Variants in USP9Y observed in about 807,000 individuals in gnomAD.
USP9Y encodes the protein ubiquitin specific peptidase 9 Y-linked, also known as ubiquitin carboxyl-terminal hydrolase 9Y.
In USP9Y, 41 loss-of-function variants were observed where a neutral mutation model predicts 53.1. The observed-to-expected ratio is 0.77, with a 90% confidence interval of 0.60 to 1.00. USP9Y has a LOEUF of 1.00. USP9Y is among the 50% of genes least tolerant of loss of function. USP9Y has a pLI of 0.00. For synonymous variants in USP9Y, 220 were observed against 173.7 expected, an observed-to-expected ratio of 1.27 and a Z score of -2.09; for missense variants, 567 against 535.8, an observed-to-expected ratio of 1.06 and a Z score of -0.58.
chrY:12,706,318 A>G (rs909627022), intron 1 of USP9Y, among the ~76,000 whole-genome samples: 5 of 33,766 alleles, frequency 1.5e-4, no homozygotes, highest in Admixed American at 1.4e-3. Context: ...ATACAAGGCA[A>G]TCGATGAGGA....
In USP9Y at chrY:12,857,619, T is replaced by C; in HGVS notation, c.7488T>C (p.Asp2496=). 1 of 384,927 alleles carries C rather than the reference T, an allele frequency of 2.6e-6. No homozygotes were observed. Among genetic ancestry groups the C allele is most frequent in the Non-Finnish European group, 3.6e-6 (1 of 276,607 alleles). ...PDEHEPSPSE[D]APLYPHSPAS... ...AGCATGAGCCCTCTCCATCAGAAGA[T>C]GCCCCATTATATCCTCATTCACCTG... Residue 2496 remains aspartate, a synonymous_variant, in exon 45 of 46, where the codon GAT becomes GAC. Coordinates refer to ENST00000338981, the MANE Select transcript of USP9Y (RefSeq NM_004654.4).
intron 35 of USP9Y, among the ~76,000 whole-genome samples, chrY:12,838,717 T>C: frequency 1.2e-4 from 4 of 33,245 alleles, no homozygotes; most frequent in Non-Finnish European, 2.2e-4. Flanking sequence ...CCTGACCTCA[T>C]GATCTGTCTG....
intron 27 of USP9Y, among the ~76,000 whole-genome samples, chrY:12,806,383 C>A (rs771830029): frequency 6.0e-5 from 2 of 33,482 alleles, no homozygotes; most frequent in Admixed American, 5.5e-4. Flanking sequence ...ACACAGTGTC[C>A]ATTAAAATGG....
In USP9Y at chrY:12,758,501, A is replaced by G; in HGVS notation, c.1630-5A>G. On this transcript the variant is annotated splice_region_variant and splice_polypyrimidine_tract_variant and intron_variant, in intron 13 of 45. Transcript: ENST00000338981. Reference sequence around the variant, plus strand: ...CTTACAGTATAAATTTTTTTCATGTATAAGGATCGAGATGCACAGAAGATC... The same window carrying G: ...CTTACAGTATAAATTTTTTTCATGTGTAAGGATCGAGATGCACAGAAGATC... 2.6e-6 allele frequency: 1 copy of G among 381,687 alleles called. No homozygotes were observed. Among genetic ancestry groups the G allele is most frequent in the Non-Finnish European group, 3.7e-6 (1 of 273,009 alleles).
intron 3 of USP9Y, among the ~76,000 whole-genome samples, chrY:12,715,301 A>G (rs1603195780): frequency 3.6e-5 from 1 of 28,018 alleles, no homozygotes; most frequent in African/African-American, 1.4e-4. Flanking sequence ...GTTCATTCCC[A>G]TAAAATTTGG....
At chrY:12,751,591 C>T (rs2053464272) in intron 12 of USP9Y, among the ~76,000 whole-genome samples, 2 of 33,303 alleles carry the variant, frequency 6.0e-5, no homozygotes, top group Admixed American at 2.7e-4. Context: ...TCTTTTTGTC[C>T]GCTTTAACAG....
Position 12,739,601 on chromosome Y carries a change from A to G in USP9Y, c.1394A>G (p.Gln465Arg). Residue 465 changes from glutamine to arginine, a missense_variant, in exon 12 of 46, where the codon CAA becomes CGA. Transcript: ENST00000338981. ...TTGGCTTGGGATTTTTCTCCTGGAC[A>G]ACTTGATCATCTTTTTGATTGCTTT... ...AKLAWDFSPG[Q>R]LDHLFDCFKA... 1 of 394,999 alleles carries G rather than the reference A, an allele frequency of 2.5e-6. No individual in the cohort carries two copies. Among genetic ancestry groups the G allele is most frequent in the Non-Finnish European group, 3.6e-6 (1 of 280,335 alleles).
intron 6 of USP9Y, among the ~76,000 whole-genome samples, chrY:12,725,774 G>A (rs2053441761): frequency 3.0e-5 from 1 of 33,160 alleles, no homozygotes; most frequent in Non-Finnish European, 7.4e-5. Context: ...TTTGTGATAC[G>A]AATTCATACT....
At chrY:12,813,448 G>T (rs2053533164) in intron 31 of USP9Y, among the ~76,000 whole-genome samples, 1 of 33,313 alleles carries the variant, frequency 3.0e-5, no homozygotes, top group Admixed American at 2.7e-4. Flanking sequence ...AGGAAGGTAT[G>T]GTTTTAAAGA....
intron 7 of USP9Y, among the ~76,000 whole-genome samples, chrY:12,732,783 G>A (rs2053448090): frequency 3.1e-5 from 1 of 32,255 alleles, no homozygotes; most frequent in African/African-American, 1.2e-4. Context: ...CACCACACCT[G>A]GCCCTGTTTC....
At chrY:12,785,568 C>T in intron 22 of USP9Y, among the ~76,000 whole-genome samples, 1 of 33,027 alleles carries the variant, frequency 3.0e-5, no homozygotes, top group South Asian at 6.7e-4. Context: ...TTATTGAGAG[C>T]TACCAAGTTT....
At chrY:12,823,478 C>T in intron 33 of USP9Y, among the ~76,000 whole-genome samples, 1 of 32,974 alleles carries the variant, frequency 3.0e-5, no homozygotes, top group African/African-American at 1.2e-4. Context: ...GTCCAACCTG[C>T]CTTATTTCAT....
At chrY:12,799,612 C>CATA (rs2053516712) in intron 27 of USP9Y, among the ~76,000 whole-genome samples, 1 of 33,442 alleles carries the variant, frequency 3.0e-5, no homozygotes, top group African/African-American at 1.2e-4. Context: ...AAGAGGAAGA[C>CATA]ATGATTATGA....
At chrY:12,807,292 G>A in intron 27 of USP9Y, among the ~76,000 whole-genome samples, 1 of 18,124 alleles carries the variant, frequency 5.5e-5, no homozygotes, top group Non-Finnish European at 1.2e-4. Flanking sequence ...TGATACTCTC[G>A]TGTTCTTTTA....
chrY:12,839,043 C>G, intron 35 of USP9Y, among the ~76,000 whole-genome samples: 1 of 33,746 alleles, frequency 3.0e-5, no homozygotes, highest in South Asian at 6.5e-4. Flanking sequence ...TTCTGCTACT[C>G]TTAATCCACA....
chrY:12,831,053 C>A, intron 33 of USP9Y, among the ~76,000 whole-genome samples: 1 of 33,348 alleles, frequency 3.0e-5, no homozygotes, highest in Non-Finnish European at 7.4e-5. Flanking sequence ...ATAAGATGTG[C>A]TTGCTTCCGG....
chrY:12,838,433 A>T, intron 35 of USP9Y, among the ~76,000 whole-genome samples: 1 of 33,514 alleles, frequency 3.0e-5, no homozygotes, highest in Non-Finnish European at 7.4e-5. Context: ...ATTGGGTTAC[A>T]TCAGATTTTC....
chrY:12,838,098 T>C, intron 35 of USP9Y, 46 bp downstream of exon 35: 1 of 279,241 alleles, frequency 3.6e-6, no homozygotes, highest in Non-Finnish European at 5.5e-6. Flanking sequence ...TTGAACAGAA[T>C]AGGAGGACAT....
chrY:12,786,520 A>G lies in USP9Y; in HGVS notation c.3283-2A>G. On this transcript the variant is annotated splice_acceptor_variant, in intron 23 of 45. Transcript: ENST00000338981. LOFTEE classifies it high-confidence loss of function. ...ACTCTCCTTTTTTTTTTTTTTTTCC[A>G]GGTAGTTTATGCCTTGTTAATGCCT... is the stretch of plus-strand genomic sequence containing the variant. 2.8e-6 allele frequency: 1 copy of G among 360,172 alleles called. No individual in the cohort carries two copies. The highest frequency in any genetic ancestry group is 3.8e-6 in the Non-Finnish European group (1 of 263,391). The allele number at this position is 360,172 out of a possible 400,897, so 89.8% of individuals were successfully genotyped here.
Sources: gnomAD v4.1 joint callset for allele counts (sites outside exome capture counted in the v4.1 genomes callset) on GRCh38, gnomAD v4.1.1 for gene constraint, MANE v1.5 for transcripts, NCBI Gene and HGNC (gene_info 2026-07-23, HGNC 2026-07-21) for gene names.